SNTG2: variants seen among roughly 807,000 people sequenced by gnomAD.
SNTG2 encodes the protein syntrophin gamma 2.
Under a neutral mutation model 70.9 loss-of-function variants are expected in SNTG2, and 74 were observed. The observed-to-expected ratio is 1.04, with a 90% CI of 0.86 to 1.27. SNTG2 has a LOEUF of 1.27. Among genes scored for constraint, SNTG2 ranks in the 50% most tolerant of loss-of-function variants. The pLI is 0.00. For missense variants in SNTG2, 717 were observed against 690.7 expected, an observed-to-expected ratio of 1.04 and a Z score of -0.43; for synonymous variants, 278 against 273.8, an observed-to-expected ratio of 1.02 and a Z score of -0.15.
chr2:1,162,938 C>T (rs1231288313), intron 6 of SNTG2, among the ~76,000 whole-genome samples: 2 of 152,186 alleles, frequency 1.3e-5, no homozygotes, highest in African/African-American at 4.8e-5. Context: ...CACAAGGGTG[C>T]ACTTGTACTG....
rs186018281 is a variant in SNTG2, at chr2:1,009,779, C to T, written c.72+58711C>T. ...TGAATCTCCCAACCACGTGGAACCA[C>T]GTGAATTCTCTCCTCATTTTCCCTT... On this transcript the variant is annotated intron_variant, in intron 1 of 16. Coordinates refer to ENST00000308624, the MANE Select transcript of SNTG2 (RefSeq NM_018968.4). Among the ~76,000 whole-genome samples the T allele has an allele frequency of 2.6e-3, 389 of 152,340 alleles. 4 individuals carry two copies. The highest frequency in any genetic ancestry group is 9.0e-3 in the African/African-American group (375 of 41,582).
Position 1,242,581 on chromosome 2 carries a change from C to A in SNTG2, c.888+2805C>A, listed in dbSNP as rs1443400791. Among the ~76,000 whole-genome samples the A allele has an allele frequency of 2.0e-5, 3 of 152,192 alleles. No homozygotes were observed. The East Asian group carries it at 5.8e-4, about 29-fold the overall frequency. ...TGCAAACAAACATATGCTCACCCCA[C>A]CAAATAGCAAGCAGCCCTATTTCTT... On this transcript the variant is annotated intron_variant, in intron 11 of 16. Coordinates refer to ENST00000308624, the MANE Select transcript of SNTG2 (RefSeq NM_018968.4).
intron 4 of SNTG2, among the ~76,000 whole-genome samples, chr2:1,102,130 G>A (rs565692159): frequency 7.9e-5 from 12 of 152,202 alleles, no homozygotes; most frequent in Admixed American, 2.6e-4. Context: ...ACACGTGTGC[G>A]ATACATTTGC....
intron 1 of SNTG2, among the ~76,000 whole-genome samples, chr2:973,745 CT>C (rs1322557620): frequency 3.3e-5 from 5 of 151,688 alleles, no homozygotes; most frequent in Non-Finnish European, 7.4e-5. Context: ...GTTTTTATAC[CT>C]TATTTTGATT....
At chr2:1,286,306 A>G (rs183237763) in intron 14 of SNTG2, among the ~76,000 whole-genome samples, 49 of 152,306 alleles carry the variant, frequency 3.2e-4, no homozygotes, top group Non-Finnish European at 1.8e-4. Context: ...AAACAGTACC[A>G]TATATCAAAT....
chr2:1,099,725 G>A (rs1322075703), intron 4 of SNTG2, among the ~76,000 whole-genome samples: 1 of 152,228 alleles, frequency 6.6e-6, no homozygotes, highest in Non-Finnish European at 1.5e-5. Flanking sequence ...GTGTGGTGCA[G>A]GAGACCATGT....
At chr2:978,465 T>C (rs2147964242) in intron 1 of SNTG2, among the ~76,000 whole-genome samples, 1 of 152,240 alleles carries the variant, frequency 6.6e-6, no homozygotes, top group East Asian at 1.9e-4. Flanking sequence ...ATCTCAAAAA[T>C]TAAATAAAAA....
intron 1 of SNTG2, among the ~76,000 whole-genome samples, chr2:1,010,186 T>A (rs1270111006): frequency 1.3e-5 from 2 of 151,858 alleles, no homozygotes; most frequent in Non-Finnish European, 1.5e-5. Flanking sequence ...GTGAGTTGAA[T>A]GTGGCGTGAG....
chr2:1,311,005 G>A (rs1022761926), intron 15 of SNTG2, among the ~76,000 whole-genome samples: 2 of 152,160 alleles, frequency 1.3e-5, no homozygotes, highest in African/African-American at 4.8e-5. Context: ...GCTTGACAGC[G>A]TGCGTATCCC....
chr2:1,023,263 C>T (rs7563604), intron 1 of SNTG2, among the ~76,000 whole-genome samples: 6,551 of 152,088 alleles, frequency 0.043, 239 homozygotes, highest in African/African-American at 0.097. Context: ...CTGGCCTGGA[C>T]GGTCACTTTA....
At chr2:1,043,013 T>G (rs1005441339) in intron 1 of SNTG2, among the ~76,000 whole-genome samples, 8 of 152,220 alleles carry the variant, frequency 5.3e-5, no homozygotes, top group Admixed American at 6.5e-5. Flanking sequence ...CCCTTTCCTC[T>G]ACAACTTTGC....
chr2:1,170,469 C>T (rs542136660), intron 7 of SNTG2, among the ~76,000 whole-genome samples: 1 of 152,310 alleles, frequency 6.6e-6, no homozygotes, highest in Admixed American at 6.5e-5. Flanking sequence ...AGGCCAGGCC[C>T]AGGCTCCCCT....
intron 16 of SNTG2, among the ~76,000 whole-genome samples, chr2:1,321,865 T>TCTCCCTCCCCC: frequency 3.5e-5 from 1 of 28,320 alleles, no homozygotes; most frequent in East Asian, 2.9e-3. Flanking sequence ...AAGCCTTCTT[T>TCTCCCTCCCCC]CTTCCTCCCT....
chr2:1,158,530 C>T (rs1670053645), intron 6 of SNTG2: 1 of 152,164 alleles, frequency 6.6e-6, no homozygotes, highest in African/African-American at 2.4e-5. Context: ...ATATTCATGA[C>T]AATTGAATAA....
intron 14 of SNTG2, among the ~76,000 whole-genome samples, chr2:1,273,994 A>T (rs1679166119): frequency 6.6e-6 from 1 of 152,256 alleles, no homozygotes; most frequent in African/African-American, 2.4e-5. Context: ...AAAGGCTTGA[A>T]TAAACACTTC....
At chr2:1,286,168 A>C (rs1171745762) in intron 14 of SNTG2, among the ~76,000 whole-genome samples, 1 of 152,158 alleles carries the variant, frequency 6.6e-6, no homozygotes, top group Non-Finnish European at 1.5e-5. Flanking sequence ...CCTCTAGGAC[A>C]GCAGAACATA....
intron 16 of SNTG2, among the ~76,000 whole-genome samples, chr2:1,350,121 C>A (rs1019645573): frequency 1.3e-5 from 2 of 152,090 alleles, no homozygotes; most frequent in African/African-American, 4.8e-5. Flanking sequence ...ATCACCCCCC[C>A]AGTGCCTTCT....
chr2:1,004,134 A>G (rs962778819), intron 1 of SNTG2, among the ~76,000 whole-genome samples: 7 of 152,222 alleles, frequency 4.6e-5, no homozygotes, highest in African/African-American at 1.4e-4. Context: ...AAGAAGTTAT[A>G]CCATGTTTTA....
chr2:1,139,626 G>T (rs1174113381), intron 6 of SNTG2, among the ~76,000 whole-genome samples: 1 of 152,066 alleles, frequency 6.6e-6, no homozygotes, highest in Non-Finnish European at 1.5e-5. Flanking sequence ...AGAGGTTCAA[G>T]TCCAGCCTGG....
Sources: gnomAD v4.1 joint callset for allele counts (sites outside exome capture counted in the v4.1 genomes callset) on GRCh38, gnomAD v4.1.1 for gene constraint, MANE v1.5 for transcripts, NCBI Gene and HGNC (gene_info 2026-07-23, HGNC 2026-07-21) for gene names.